The following SOD2 variants were observed in gnomAD, a reference collection of about 807,000 sequenced individuals.
SOD2 encodes superoxide dismutase [Mn], mitochondrial.
A neutral mutation model predicts 27.0 loss-of-function variants in SOD2; 11 were observed. That is an observed-to-expected ratio of 0.41 (90% CI 0.26 to 0.67). The LOEUF (loss-of-function observed/expected upper bound fraction) is 0.67, where lower values mean the gene tolerates loss of function less well. Ranked by LOEUF, SOD2 falls within the 30% of genes least tolerant of loss-of-function variation. The pLI, the probability that SOD2 is intolerant of heterozygous loss-of-function variation, is 0.34. For synonymous variants in SOD2, 105 were observed against 103.0 expected (o/e 1.02, Z -0.12); for missense variants, 250 against 274.5 (o/e 0.91, Z 0.63).
upstream of SOD2, among the ~76,000 whole-genome samples, chr6:159,697,878 G>A (rs1412183691): frequency 2.6e-5 from 4 of 152,166 alleles, no homozygotes; most frequent in Admixed American, 6.5e-5. Context: ...CATGGCTCAC[G>A]CCTGTAATCC....
chr6:159,748,133 A>C, upstream of SOD2: 4 of 1,539,406 alleles, frequency 2.6e-6, no homozygotes, highest in Non-Finnish European at 3.5e-6. The surrounding 1 kb of genome is among the most constrained non-coding windows in gnomAD (Gnocchi z 5.6). Context: ...AGTTTTCCCC[A>C]CCTTCTTATG....
intron 1 of SOD2, chr6:159,741,840 G>A (rs1562459645): frequency 3.1e-6 from 1 of 319,634 alleles, no homozygotes; most frequent in Non-Finnish European, 5.8e-6. Flanking sequence ...AATGAGCCAT[G>A]TGCCTTTGGT....
intron 1 of SOD2, among the ~76,000 whole-genome samples, chr6:159,751,856 G>A (rs1393928574): frequency 1.3e-5 from 2 of 152,170 alleles, no homozygotes; most frequent in Non-Finnish European, 2.9e-5. Context: ...GAGCTTAGGA[G>A]TTTGAGACCA....
chr6:159,700,223 G>A (rs1238705703), intron 1 of SOD2, among the ~76,000 whole-genome samples: 1 of 152,136 alleles, frequency 6.6e-6, no homozygotes, highest in Non-Finnish European at 1.5e-5. Flanking sequence ...GATCAGATTG[G>A]TTTCCAGGTG....
At chr6:159,690,016 G>A (rs1330807579) in intron 2 of SOD2, among the ~76,000 whole-genome samples, 2 of 151,846 alleles carry the variant, frequency 1.3e-5, no homozygotes, top group Non-Finnish European at 1.5e-5. Context: ...AGGTGAGGTG[G>A]CTCACGCCTG....
chr6:159,726,099 A>G (rs1281862457), intron 1 of SOD2: 1 of 152,306 alleles, frequency 6.6e-6, no homozygotes, highest in Admixed American at 6.5e-5. Context: ...TAGGGTTAGA[A>G]GTATAACTGC....
intron 1 of SOD2, among the ~76,000 whole-genome samples, chr6:159,705,456 A>G (rs1009817649): frequency 5.9e-5 from 9 of 152,208 alleles, no homozygotes; most frequent in African/African-American, 2.2e-4. Flanking sequence ...ACCATGGCAC[A>G]AGAACTACGT....
chr6:159,727,173 C>T, exon 1 of SOD2: 2 of 1,204,762 alleles, frequency 1.7e-6, no homozygotes, highest in Non-Finnish European at 2.1e-6. Flanking sequence ...CGCCAGGCTC[C>T]TGGGAAAGGA....
At chr6:159,751,648 C>T (rs1320280371) in intron 1 of SOD2, among the ~76,000 whole-genome samples, 1 of 152,244 alleles carries the variant, frequency 6.6e-6, no homozygotes, top group Non-Finnish European at 1.5e-5. Flanking sequence ...GCCTTTACCA[C>T]ATGCTCACTG....
At chr6:159,708,470 C>T (rs948233754) in intron 1 of SOD2, among the ~76,000 whole-genome samples, 14 of 152,158 alleles carry the variant, frequency 9.2e-5, no homozygotes, top group Admixed American at 3.3e-4. Context: ...TCTTATACAT[C>T]AATAACAGAC....
At chr6:159,720,505 C>A in intron 1 of SOD2, 1 of 153,076 alleles carries the variant, frequency 6.5e-6, no homozygotes, top group South Asian at 1.8e-4. Flanking sequence ...ACTAGGTACC[C>A]ATTGGACAGT....
chr6:159,712,430 T>C (rs143535704), intron 1 of SOD2, among the ~76,000 whole-genome samples: 1,200 of 36,028 alleles, frequency 0.033, 171 homozygotes, highest in Non-Finnish European at 0.058. Context: ...ACCACCTCCA[T>C]AACCACCACT....
At chr6:159,736,831 C>CAT (rs1778949984) in intron 1 of SOD2, 1 of 152,284 alleles carries the variant, frequency 6.6e-6, no homozygotes, top group African/African-American at 2.4e-5. Context: ...TACATACACA[C>CAT]ACATACACAC....
At chr6:159,734,608 C>CA (rs1319246721) in intron 1 of SOD2, among the ~76,000 whole-genome samples, 1 of 152,146 alleles carries the variant, frequency 6.6e-6, no homozygotes, top group African/African-American at 2.4e-5. Context: ...CCCAAGAGTT[C>CA]AAGACTAGCC....
At chr6:159,719,731 C>T (rs1478826553) in intron 1 of SOD2, among the ~76,000 whole-genome samples, 43 of 141,362 alleles carry the variant, frequency 3.0e-4, no homozygotes, top group East Asian at 1.0e-3. Flanking sequence ...CTTTTATTTT[C>T]TTTTTTTTTT....
At position 159,670,736 on chromosome 6, in the gene SOD2, A is replaced by AGTGGGTGTAGGACG. The variant is rs1264511774; in HGVS notation, c.*11743_*11756dup. On this transcript the variant is annotated 3_prime_UTR_variant, in exon 5 of 5. Coordinates refer to ENST00000538183, the MANE Select transcript of SOD2 (RefSeq NM_000636.4). ...TTCATCTCACTGGGGCTTGTTGGAC[A>AGTGGGTGTAGGACG]GTGGGTGTAGGACGGTGGGTGCAGC... 3.3e-5 allele frequency: 5 copies of AGTGGGTGTAGGACG among 152,876 alleles called. No individual in the cohort carries two copies. In the East Asian group the frequency reaches 9.7e-4, roughly 30 times the overall value. 9.5% of individuals were successfully genotyped at this position (152,876 alleles called of 1,614,324 possible).
chr6:159,707,814 A>C (rs1415661016), intron 1 of SOD2, among the ~76,000 whole-genome samples: 8 of 152,192 alleles, frequency 5.3e-5, no homozygotes, highest in Non-Finnish European at 2.9e-5. Context: ...GACACAACAA[A>C]AAAAAGAGAA....
intron 1 of SOD2, among the ~76,000 whole-genome samples, chr6:159,733,523 G>T (rs1489575716): frequency 2.0e-5 from 3 of 152,102 alleles, no homozygotes; most frequent in Admixed American, 2.0e-4. Flanking sequence ...TCGGGAGGCT[G>T]AGGTGGGAGG....
At chr6:159,693,005 G>A (rs1229841481) in intron 1 of SOD2, 140 bp downstream of exon 1, 8 of 1,350,788 alleles carry the variant, frequency 5.9e-6, no homozygotes, top group Admixed American at 3.0e-5. Context: ...CCGCCGCGCC[G>A]GGCACTCCCG....
Sources: allele counts gnomAD v4.1 joint callset (sites outside exome capture counted in the v4.1 genomes callset), GRCh38; gene constraint gnomAD v4.1.1; non-coding constraint Gnocchi (gnomAD v3.1); transcripts MANE v1.5; gene names NCBI Gene and HGNC (gene_info 2026-07-23, HGNC 2026-07-21).